NFASC: variants seen among roughly 807,000 people sequenced by gnomAD.
NFASC encodes neurofascin homolog.
In NFASC, 43 loss-of-function variants were observed where a neutral mutation model predicts 147.5. The observed-to-expected ratio is 0.29, with a 90% CI of 0.23 to 0.38. The LOEUF is 0.38. NFASC is among the 10% of genes least tolerant of loss of function. The probability of loss-of-function intolerance (pLI) is 1.00; values close to 1 mark genes in which losing one functional copy is unlikely to be tolerated. For synonymous variants in NFASC, 622 were observed against 665.5 expected (o/e 0.93, Z 1.01); for missense variants, 1,320 against 1,689.0 (o/e 0.78, Z 3.83).
intron 3 of NFASC, among the ~76,000 whole-genome samples, chr1:204,948,318 G>A (rs2093911424): frequency 6.6e-6 from 1 of 152,226 alleles, no homozygotes; most frequent in Non-Finnish European, 1.5e-5. Context: ...TGTCTTCTGG[G>A]TTGGTTCTGT....
intron 1 of NFASC, among the ~76,000 whole-genome samples, chr1:204,880,456 C>T (rs1411205865): frequency 2.6e-5 from 4 of 152,082 alleles, no homozygotes; most frequent in East Asian, 1.9e-4. Context: ...CCCAGGTTCA[C>T]GCCATTCTCC....
rs190427515 is a variant in NFASC at position 204,847,633 on chromosome 1, A to G, written c.-200+18851A>G. On this transcript the variant is annotated intron_variant, in intron 1 of 29. Transcript: ENST00000339876. The stretch of plus-strand genomic sequence containing the variant: ...TCACTCATTGGCTATGCATTTGGGA[A>G]GTCAGGGGGTTGCAGAGGACGTGAC... Among the ~76,000 whole-genome samples, 11 of 152,308 alleles carry G rather than the reference A, an allele frequency of 7.2e-5. No individual in the cohort carries two copies. The East Asian group carries it at 2.1e-3, about 29-fold the overall frequency.
chr1:204,875,807 C>T (rs760402353), intron 1 of NFASC, among the ~76,000 whole-genome samples: 1 of 152,190 alleles, frequency 6.6e-6, no homozygotes, highest in Non-Finnish European at 1.5e-5. Flanking sequence ...TCCCACAAAT[C>T]TCCAACCAAG....
At chr1:204,962,946 C>T (rs2094758874) in intron 8 of NFASC, among the ~76,000 whole-genome samples, 2 of 152,152 alleles carry the variant, frequency 1.3e-5, no homozygotes, top group Non-Finnish European at 2.9e-5. Flanking sequence ...CTCACCATGG[C>T]TCAAGAATGT....
At chr1:204,982,070 G>T in intron 21 of NFASC, 50 bp downstream of exon 21, 3 of 1,285,470 alleles carry the variant, frequency 2.3e-6, no homozygotes, top group Non-Finnish European at 3.2e-6. Flanking sequence ...TGGCTAGGTC[G>T]CACGAGGCCA....
rs2095616394 is a variant in NFASC at position 204,986,408 on chromosome 1, A to AC, written c.2471-1006dup. ...CGAGGGCACGGCGGGCACCTGGGCCACCCCACCACCTTCCGAGGCAGAAGG... is the reference window on the plus strand; with the variant it reads ...CGAGGGCACGGCGGGCACCTGGGCCACCCCCACCACCTTCCGAGGCAGAAGG... On this transcript the variant is annotated intron_variant, in intron 21 of 29. Transcript: ENST00000339876. The surrounding 1 kb of genome is among the most constrained non-coding windows in gnomAD (Gnocchi z 4.2). Among the ~76,000 whole-genome samples the AC allele has an allele frequency of 6.6e-6, 1 of 152,148 alleles. No individual in the cohort carries two copies. The highest frequency in any genetic ancestry group is 2.4e-5 in the African/African-American group (1 of 41,424).
Position 204,990,735 on chromosome 1 carries a change from G to C in NFASC, c.2768-557G>C, listed in dbSNP as rs73077306. On this transcript the variant is annotated intron_variant, in intron 23 of 29. Transcript: ENST00000339876. The stretch of plus-strand genomic sequence containing the variant: ...TCCCGCCTTCCAAGGTTGCGATGGT[G>C]TGGAGTGGGTGCAGCTGAACATGCT... Among the ~76,000 whole-genome samples the C allele has an allele frequency of 4.0e-3, 611 of 152,290 alleles. 3 individuals carry two copies. The highest frequency in any genetic ancestry group is 0.014 in the African/African-American group (583 of 41,558).
chr1:204,969,877 ACCATCCTGG>A (rs2095159613), intron 10 of NFASC, among the ~76,000 whole-genome samples: 1 of 151,980 alleles, frequency 6.6e-6, no homozygotes, highest in East Asian at 1.9e-4. Context: ...GAAGATCGAG[ACCATCCTGG>A]CCAAAATGAT....
At chr1:204,877,010 A>ATATATATATATATATAATATATATT (rs2078969422) in intron 1 of NFASC, among the ~76,000 whole-genome samples, 1 of 111,030 alleles carries the variant, frequency 9.0e-6, no homozygotes. Flanking sequence ...ATATATATAT[A>ATATATATATATATATAATATATATT]TATATATATA....
At chr1:204,983,836 G>A (rs1187125467) in intron 21 of NFASC, among the ~76,000 whole-genome samples, 2 of 152,184 alleles carry the variant, frequency 1.3e-5, no homozygotes, top group African/African-American at 2.4e-5. Flanking sequence ...CTTCCACCTA[G>A]ACTGCCACCC....
chr1:204,904,641 T>C (rs2085386385), intron 1 of NFASC, among the ~76,000 whole-genome samples: 1 of 152,242 alleles, frequency 6.6e-6, no homozygotes, highest in African/African-American at 2.4e-5. Flanking sequence ...TGCACCACTT[T>C]TCACATGACA....
rs552553271 is a variant in NFASC, at chr1:204,993,664, G to A, written c.2782+2358G>A. ...CTTAGCTAACAGAGAGTCTCTGCCC[G>A]CTGTCCTTGGTCGCCAGGCTGATGG... is the stretch of plus-strand genomic sequence containing the variant. On this transcript the variant is annotated intron_variant, in intron 24 of 29. Transcript: ENST00000339876. 8.7e-4 allele frequency: 400 copies of A among 459,872 alleles called. 3 individuals carry two copies. Among genetic ancestry groups the A allele is most frequent in the Non-Finnish European group, 1.4e-3 (313 of 228,044 alleles). The allele number at this position is 459,872 out of a possible 1,614,324, so 28.5% of individuals were successfully genotyped here.
intron 15 of NFASC, among the ~76,000 whole-genome samples, chr1:204,976,461 ACT>A (rs1299175700): frequency 6.6e-6 from 1 of 151,972 alleles, no homozygotes; most frequent in African/African-American, 2.4e-5. Context: ...AGCTCCGCCC[ACT>A]CTCTGTTCCC....
intron 2 of NFASC, among the ~76,000 whole-genome samples, chr1:204,941,388 A>G (rs901607449): frequency 8.5e-5 from 13 of 152,222 alleles, no homozygotes; most frequent in Non-Finnish European, 1.6e-4. Context: ...ATCCCATACA[A>G]TTGGGCTTTT....
At chr1:204,999,211 C>T (rs11240331) in intron 25 of NFASC, 32,894 of 151,898 alleles carry the variant, frequency 0.22, 3,731 homozygotes, top group South Asian at 0.27. Context: ...TTGTGTTTCT[C>T]GGTGTTGATA....
intron 2 of NFASC, among the ~76,000 whole-genome samples, chr1:204,927,660 C>A (rs970982431): frequency 6.6e-6 from 1 of 152,158 alleles, no homozygotes; most frequent in Non-Finnish European, 1.5e-5. Flanking sequence ...AATCTTGGGT[C>A]CCCACCCTTA....
intron 1 of NFASC, among the ~76,000 whole-genome samples, chr1:204,869,257 G>A (rs559897358): frequency 6.6e-6 from 1 of 152,210 alleles, no homozygotes; most frequent in Non-Finnish European, 1.5e-5. Flanking sequence ...GGGCTGCCCC[G>A]TGCACCCTGT....
chr1:205,009,468 G>A, intron 27 of NFASC, 89 bp from the exon 28 acceptor site: 6 of 1,396,730 alleles, frequency 4.3e-6, no homozygotes, highest in South Asian at 1.2e-5. Context: ...ACATCCACAT[G>A]AGATAGCTGA....
At chr1:204,949,585 C>T (rs1435340501) in intron 3 of NFASC, among the ~76,000 whole-genome samples, 1 of 152,190 alleles carries the variant, frequency 6.6e-6, no homozygotes, top group African/African-American at 2.4e-5. Flanking sequence ...ACATTTTAAC[C>T]AAGACCTTGT....
Sources: allele counts gnomAD v4.1 joint callset (sites outside exome capture counted in the v4.1 genomes callset), GRCh38; gene constraint gnomAD v4.1.1; non-coding constraint Gnocchi (gnomAD v3.1); transcripts MANE v1.5; gene names NCBI Gene and HGNC (gene_info 2026-07-23, HGNC 2026-07-21).